Variants in ARMH4 observed in about 807,000 individuals in gnomAD.
ARMH4 encodes armadillo-like helical domain-containing protein 4.
In ARMH4, 49 loss-of-function variants were observed where a neutral mutation model predicts 61.9. That is an observed-to-expected ratio of 0.79 (90% CI 0.63 to 1.00). The LOEUF (loss-of-function observed/expected upper bound fraction) is 1.00, where lower values mean the gene tolerates loss of function less well. Among genes scored for constraint, ARMH4 ranks in the 50% least tolerant of loss-of-function variants. The probability of loss-of-function intolerance (pLI) is 0.00; values close to 1 mark genes in which losing one functional copy is unlikely to be tolerated. For synonymous variants in ARMH4, 368 were observed against 341.5 expected, an observed-to-expected ratio of 1.08 and a Z score of -0.85; for missense variants, 934 against 930.0, an observed-to-expected ratio of 1.00 and a Z score of -0.06.
intron 5 of ARMH4, among the ~76,000 whole-genome samples, chr14:58,017,552 TACTC>T (rs969475221): frequency 6.6e-6 from 1 of 151,636 alleles, no homozygotes; most frequent in Non-Finnish European, 1.5e-5. Flanking sequence ...ACAAAAAAAA[TACTC>T]AGGCATAAAT....
intron 5 of ARMH4, among the ~76,000 whole-genome samples, chr14:58,058,330 T>C (rs370567756): frequency 6.6e-6 from 1 of 152,306 alleles, no homozygotes; most frequent in East Asian, 1.9e-4. Context: ...TCAGTAGAGA[T>C]ACCTTTTTTT....
intron 4 of ARMH4, among the ~76,000 whole-genome samples, chr14:58,121,605 T>C (rs1317168694): frequency 6.6e-6 from 1 of 152,226 alleles, no homozygotes; most frequent in Admixed American, 6.5e-5. Flanking sequence ...GTGATGAACA[T>C]TCTGAGTGCT....
intron 5 of ARMH4, among the ~76,000 whole-genome samples, chr14:58,079,255 T>C (rs1174440878): frequency 6.6e-6 from 1 of 152,224 alleles, no homozygotes; most frequent in Non-Finnish European, 1.5e-5. Context: ...AAGAAACTTA[T>C]TTCTCACAGT....
chr14:58,016,132 T>C (rs934498526), intron 5 of ARMH4, among the ~76,000 whole-genome samples: 6 of 152,042 alleles, frequency 3.9e-5, no homozygotes, highest in Non-Finnish European at 5.9e-5. Flanking sequence ...TCTTAAAGGA[T>C]TAACCATGAA....
chr14:58,068,330 C>T (rs1364233356), intron 5 of ARMH4, among the ~76,000 whole-genome samples: 1 of 152,072 alleles, frequency 6.6e-6, no homozygotes, highest in Non-Finnish European at 1.5e-5. Flanking sequence ...ATATTGATCA[C>T]TATTCAATGA....
rs764278914 is a variant in ARMH4 at position 58,004,719 on chromosome 14, T to A, written c.*17A>T. The A allele has an allele frequency of 6.9e-6, 11 of 1,587,568 alleles. No individual in the cohort carries two copies. In the South Asian group the frequency reaches 1.2e-4, roughly 18 times the overall value. ...ATAGTAGCATCGTTGAATATCCCAATTAAAACCCAGTCCAATTCAAAATTC... is the reference window on the plus strand; with the variant it reads ...ATAGTAGCATCGTTGAATATCCCAAATAAAACCCAGTCCAATTCAAAATTC... On this transcript the variant is annotated 3_prime_UTR_variant, in exon 8 of 8. Coordinates refer to ENST00000267485, the MANE Select transcript of ARMH4 (RefSeq NM_001001872.4).
At chr14:58,085,280 C>G (rs1885344339) in intron 5 of ARMH4, among the ~76,000 whole-genome samples, 1 of 152,030 alleles carries the variant, frequency 6.6e-6, no homozygotes, top group African/African-American at 2.4e-5. Flanking sequence ...TCACTTTCCT[C>G]TGTATTTTTT....
intron 5 of ARMH4, among the ~76,000 whole-genome samples, chr14:58,060,382 G>A (rs1884490563): frequency 6.6e-6 from 1 of 152,170 alleles, no homozygotes; most frequent in African/African-American, 2.4e-5. Flanking sequence ...ACTCGTGGAA[G>A]GCAATTTGGT....
In ARMH4 at chr14:58,012,076, A is replaced by T. The variant is rs774572558; in HGVS notation, c.2121+43T>A. 3 of 1,361,902 alleles carry T rather than the reference A, an allele frequency of 2.2e-6. No homozygotes were observed. The South Asian group carries it at 3.9e-5, about 18-fold the overall frequency. The allele number at this position is 1,361,902 out of a possible 1,614,324, so 84.4% of individuals were successfully genotyped here. A position where few individuals can be genotyped will look rare whatever the true frequency, so the allele number is the denominator to read the frequency against. On this transcript the variant is annotated intron_variant, in intron 6 of 7. Transcript: ENST00000267485. ...AAGATCTTTTGCTTAATAAAGCTAT[A>T]TGCCCCTAAAAATAAACCAATGGAA...
chr14:58,103,122 A>G (rs892431029), intron 4 of ARMH4, among the ~76,000 whole-genome samples: 26 of 141,564 alleles, frequency 1.8e-4, no homozygotes, highest in African/African-American at 6.6e-4. Context: ...AACAAGACCA[A>G]AACTCCATCT....
intron 5 of ARMH4, among the ~76,000 whole-genome samples, chr14:58,064,330 A>G (rs1347584493): frequency 6.6e-6 from 1 of 152,218 alleles, no homozygotes; most frequent in African/African-American, 2.4e-5. Context: ...ATGCCCTGAG[A>G]TACCTCTGAT....
chr14:58,007,567 T>C (rs960325905), intron 6 of ARMH4, among the ~76,000 whole-genome samples: 1 of 152,232 alleles, frequency 6.6e-6, no homozygotes, highest in Admixed American at 6.5e-5. Context: ...AATTACAAGA[T>C]GGGAGCAAAG....
intron 1 of ARMH4, among the ~76,000 whole-genome samples, 156 bp downstream of exon 1, chr14:58,151,907 CGGAGGAGGATCG>C (rs963438934): frequency 2.0e-5 from 3 of 152,160 alleles, no homozygotes; most frequent in African/African-American, 2.4e-5. Flanking sequence ...CACCGCGCTC[CGGAGGAGGATCG>C]GGGCGCACGC....
At chr14:58,100,076 C>T (rs1885907347) in intron 4 of ARMH4, among the ~76,000 whole-genome samples, 1 of 152,126 alleles carries the variant, frequency 6.6e-6, no homozygotes, top group Admixed American at 6.6e-5. Flanking sequence ...GATACATCCT[C>T]CCCTGAAACG....
At chr14:58,054,422 G>A (rs974443655) in intron 5 of ARMH4, among the ~76,000 whole-genome samples, 5 of 152,182 alleles carry the variant, frequency 3.3e-5, no homozygotes, top group South Asian at 2.1e-4. Flanking sequence ...CTGCCTGCAA[G>A]ATTATATCTA....
chr14:58,039,586 G>C (rs754379471), intron 5 of ARMH4, among the ~76,000 whole-genome samples: 2 of 152,170 alleles, frequency 1.3e-5, no homozygotes, highest in East Asian at 1.9e-4. Flanking sequence ...GTTAAGTCCA[G>C]GGATTAGCCT....
At chr14:58,130,644 G>C (rs1363109330) in intron 4 of ARMH4, among the ~76,000 whole-genome samples, 1 of 152,186 alleles carries the variant, frequency 6.6e-6, no homozygotes, top group Non-Finnish European at 1.5e-5. Flanking sequence ...CGTGCCTCAA[G>C]TTTCTTTTAC....
intron 5 of ARMH4, among the ~76,000 whole-genome samples, chr14:58,031,581 G>T (rs767391487): frequency 6.6e-6 from 1 of 152,152 alleles, no homozygotes; most frequent in African/African-American, 2.4e-5. Flanking sequence ...TCCAAGACTT[G>T]TGCGAGGTTT....
chr14:58,118,975 G>A (rs938082239), intron 4 of ARMH4, among the ~76,000 whole-genome samples: 5 of 152,198 alleles, frequency 3.3e-5, no homozygotes, highest in African/African-American at 4.8e-5. Flanking sequence ...TCCTTCTGCT[G>A]CTAAAACGTT....
Sources: gnomAD v4.1 joint callset for allele counts (sites outside exome capture counted in the v4.1 genomes callset) on GRCh38, gnomAD v4.1.1 for gene constraint, MANE v1.5 for transcripts, NCBI Gene and HGNC (gene_info 2026-07-23, HGNC 2026-07-21) for gene names.